The following THAP6 variants were observed in gnomAD, a reference collection of about 807,000 sequenced individuals.
THAP6 encodes THAP domain-containing protein 6.
A neutral mutation model predicts 20.0 loss-of-function variants in THAP6; 13 were observed. The observed-to-expected ratio is 0.65, with a 90% CI of 0.42 to 1.03. THAP6 has a LOEUF of 1.03. Among genes scored for constraint, THAP6 ranks in the 50% least tolerant of loss-of-function variants. The probability of loss-of-function intolerance (pLI) is 0.00; values close to 1 mark genes in which losing one functional copy is unlikely to be tolerated. For synonymous variants in THAP6, 93 were observed against 92.2 expected (o/e 1.01, Z -0.05); for missense variants, 262 against 261.6 (o/e 1.00, Z -0.01).
chr4:75,514,634 G>GT, intron 1 of THAP6, 114 bp downstream of exon 1: 1 of 216,298 alleles, frequency 4.6e-6, no homozygotes, highest in Non-Finnish European at 9.3e-6. Context: ...GGCCCCAGAG[G>GT]AAAGGACGCT....
At chr4:75,541,596 G>A (rs375367647) in intron 2 of THAP6, among the ~76,000 whole-genome samples, 2 of 150,590 alleles carry the variant, frequency 1.3e-5, no homozygotes, top group East Asian at 1.9e-4. Context: ...AAGGGAGGGA[G>A]GAAAGGAGAA....
chr4:75,517,958 C>T (rs975732063), intron 3 of THAP6, among the ~76,000 whole-genome samples: 2 of 152,190 alleles, frequency 1.3e-5, no homozygotes, highest in Non-Finnish European at 2.9e-5. Context: ...GGATCTCCTT[C>T]CTGGCAACTA....
chr4:75,526,105 C>G (rs62318636), intron 4 of THAP6, among the ~76,000 whole-genome samples: 1 of 152,212 alleles, frequency 6.6e-6, no homozygotes, highest in African/African-American at 2.4e-5. Context: ...GGTTTCCCTT[C>G]CTTGCCCTGA....
At chr4:75,521,553 C>A (rs1246928731) in intron 3 of THAP6, among the ~76,000 whole-genome samples, 183 bp from the exon 4 acceptor site, 1 of 151,786 alleles carries the variant, frequency 6.6e-6, no homozygotes, top group African/African-American at 2.4e-5. Flanking sequence ...TTTCAGATAA[C>A]CTTAGAGTTG....
At chr4:75,525,978 G>C (rs1035993521) in intron 4 of THAP6, among the ~76,000 whole-genome samples, 1 of 152,160 alleles carries the variant, frequency 6.6e-6, no homozygotes, top group African/African-American at 2.4e-5. Flanking sequence ...TGAAGATCTT[G>C]AGTTTTTTCT....
At chr4:75,545,420 G>A (rs556243507) in intron 3 of THAP6, among the ~76,000 whole-genome samples, 2 of 152,310 alleles carry the variant, frequency 1.3e-5, no homozygotes, top group African/African-American at 4.8e-5. Context: ...AGGAACTAGA[G>A]GTGTGGTTAA....
chr4:75,514,971 A>G (rs1337202942), intron 1 of THAP6: 1 of 165,170 alleles, frequency 6.1e-6, no homozygotes, highest in Non-Finnish European at 1.4e-5. Flanking sequence ...GACATTAATA[A>G]GAGCAATCAC....
intron 2 of THAP6, among the ~76,000 whole-genome samples, chr4:75,516,169 A>G (rs1184562774): frequency 2.0e-5 from 3 of 152,254 alleles, no homozygotes; most frequent in Non-Finnish European, 4.4e-5. Flanking sequence ...AACTGAGCAT[A>G]TATATCCTAC....
chr4:75,542,330 C>A, intron 2 of THAP6: 1 of 660,488 alleles, frequency 1.5e-6, no homozygotes, highest in Non-Finnish European at 2.7e-6. Context: ...GTACTGATAT[C>A]TGGGAAGTAT....
chr4:75,525,661 A>G (rs1332822643), intron 4 of THAP6, among the ~76,000 whole-genome samples: 2 of 152,136 alleles, frequency 1.3e-5, no homozygotes, highest in African/African-American at 4.8e-5. Context: ...TTTGCATGCC[A>G]TGAATTTTGG....
intron 2 of THAP6, among the ~76,000 whole-genome samples, chr4:75,536,820 C>T (rs1726869894): frequency 6.6e-6 from 1 of 152,164 alleles, no homozygotes; most frequent in Non-Finnish European, 1.5e-5. Context: ...GTGTGAGCCA[C>T]TGCGCCTGGC....
At chr4:75,540,164 T>C (rs1726966895) in intron 2 of THAP6, among the ~76,000 whole-genome samples, 1 of 152,236 alleles carries the variant, frequency 6.6e-6, no homozygotes, top group South Asian at 2.1e-4. Context: ...ATCTTGACAG[T>C]GTTACTTAGA....
At chr4:75,526,826 T>C (rs1456361605) in intron 4 of THAP6, 134 bp from the exon 5 acceptor site, 5 of 1,334,292 alleles carry the variant, frequency 3.7e-6, no homozygotes, top group Non-Finnish European at 5.0e-6. Flanking sequence ...TCTTCCTGTG[T>C]TCCTTAAACC....
intron 3 of THAP6, chr4:75,544,220 C>T (rs1401855836): frequency 6.6e-6 from 1 of 152,202 alleles, no homozygotes; most frequent in Non-Finnish European, 1.5e-5. Context: ...CTCTCCCCTC[C>T]TCTGATTATT....
chr4:75,536,444 A>G (rs1415968873), intron 2 of THAP6, among the ~76,000 whole-genome samples: 1 of 152,200 alleles, frequency 6.6e-6, no homozygotes, highest in Non-Finnish European at 1.5e-5. Flanking sequence ...AGCCTGGGCA[A>G]CAAGAGCAAA....
chr4:75,516,956 T>C lies in THAP6; in HGVS notation c.265T>C (p.Phe89Leu), dbSNP rs1428532164. 1.2e-6 allele frequency: 2 copies of C among 1,613,776 alleles called. No homozygotes were observed. The highest frequency in any genetic ancestry group is 1.7e-6 in the Non-Finnish European group (2 of 1,179,836). The change falls in exon 3 of 5, where the codon TTT (phenylalanine) becomes CTT (leucine). Residue 89 changes from phenylalanine (F) to leucine (L), a missense_variant. Coordinates refer to ENST00000311638, the MANE Select transcript of THAP6 (RefSeq NM_144721.6). The part of the protein sequence containing the change: ...KLKPGVIPSI[F>L]DSPYHLQGKR... Reference sequence around the variant, plus strand: ...GAAACCTGGAGTCATACCTTCTATCTTTGATTCTCCATATCACCTACAGGT... The same window carrying C: ...GAAACCTGGAGTCATACCTTCTATCCTTGATTCTCCATATCACCTACAGGT...
intron 3 of THAP6, among the ~76,000 whole-genome samples, chr4:75,518,176 G>T (rs1036224362): frequency 6.6e-6 from 1 of 152,042 alleles, no homozygotes; most frequent in Admixed American, 6.5e-5. Context: ...TAATGTTAAG[G>T]GGACCTTAAG....
At position 75,542,295 on chromosome 4, in the gene THAP6, G is replaced by A. The variant is rs188895503; in HGVS notation, c.166-114G>A. 12 of 609,642 alleles carry A rather than the reference G, an allele frequency of 2.0e-5. No homozygotes were observed. In the East Asian group the frequency reaches 2.8e-4, roughly 14 times the overall value. 37.8% of individuals were successfully genotyped at this position (609,642 alleles called of 1,614,324 possible). A position where few individuals can be genotyped will look rare whatever the true frequency, so the allele number is the denominator to read the frequency against. On this transcript the variant is annotated intron_variant, in intron 2 of 4. Coordinates refer to the THAP6 transcript ENST00000502620. Reference sequence around the variant, plus strand: ...GCTTTCCAACTGACCCAATACCTCAGAAAACTAAAGAACGTGACTTCAGAG... The same window carrying A: ...GCTTTCCAACTGACCCAATACCTCAAAAAACTAAAGAACGTGACTTCAGAG...
chr4:75,535,699 T>C (rs925012760), intron 2 of THAP6, among the ~76,000 whole-genome samples: 1 of 152,342 alleles, frequency 6.6e-6, no homozygotes, highest in Non-Finnish European at 1.5e-5. Context: ...TAATATAATA[T>C]GTTAACTTAC....
Sources: allele counts gnomAD v4.1 joint callset (sites outside exome capture counted in the v4.1 genomes callset), GRCh38; gene constraint gnomAD v4.1.1; transcripts MANE v1.5; gene names NCBI Gene and HGNC (gene_info 2026-07-23, HGNC 2026-07-21).